AKAP6: variants seen among roughly 807,000 people sequenced by gnomAD.
AKAP6 encodes A-kinase anchor protein 6.
A neutral mutation model predicts 188.5 loss-of-function variants in AKAP6; 58 were observed. The observed-to-expected ratio is 0.31, with a 90% CI of 0.25 to 0.38. The LOEUF (loss-of-function observed/expected upper bound fraction) is 0.38. Among genes scored for constraint, AKAP6 ranks in the 10% least tolerant of loss-of-function variants. The probability of loss-of-function intolerance (pLI) is 1.00; values close to 1 mark genes in which losing one functional copy is unlikely to be tolerated. For synonymous variants in AKAP6, 989 were observed against 998.6 expected, an observed-to-expected ratio of 0.99 and a Z score of 0.18; for missense variants, 2,710 against 2,740.0, an observed-to-expected ratio of 0.99 and a Z score of 0.24.
chr14:32,711,073 C>T (rs913818987), intron 9 of AKAP6, among the ~76,000 whole-genome samples: 2 of 152,010 alleles, frequency 1.3e-5, no homozygotes, highest in African/African-American at 4.8e-5. Flanking sequence ...ACTATTATGG[C>T]AACGCTTTAG....
chr14:32,594,018 A>G (rs1885588634), intron 5 of AKAP6, among the ~76,000 whole-genome samples: 1 of 152,210 alleles, frequency 6.6e-6, no homozygotes, highest in African/African-American at 2.4e-5. Flanking sequence ...TATTTGGAAA[A>G]TAGAGAAAAT....
chr14:32,613,171 G>A (rs1886423887), intron 7 of AKAP6, among the ~76,000 whole-genome samples: 1 of 152,150 alleles, frequency 6.6e-6, no homozygotes, highest in African/African-American at 2.4e-5. Flanking sequence ...CAGTCTCTCT[G>A]TTTTATACTA....
intron 11 of AKAP6, among the ~76,000 whole-genome samples, chr14:32,753,034 A>G (rs2032199305): frequency 1.3e-5 from 2 of 152,164 alleles, no homozygotes; most frequent in Non-Finnish European, 2.9e-5. Flanking sequence ...TCTTTTTGAC[A>G]TACTGATTTT....
intron 7 of AKAP6, among the ~76,000 whole-genome samples, chr14:32,627,309 A>G (rs981102487): frequency 1.3e-5 from 2 of 152,138 alleles, no homozygotes; most frequent in Non-Finnish European, 2.9e-5. Flanking sequence ...GGTATCTCAT[A>G]TATCAGGATT....
At chr14:32,427,315 AAGG>A (rs1233454091) in intron 1 of AKAP6, among the ~76,000 whole-genome samples, 1 of 152,270 alleles carries the variant, frequency 6.6e-6, no homozygotes, top group Non-Finnish European at 1.5e-5. Context: ...AAAGAGAGCA[AAGG>A]AGGAGAAGGC....
intron 5 of AKAP6, among the ~76,000 whole-genome samples, chr14:32,595,109 G>A (rs1885640724): frequency 6.6e-6 from 1 of 152,122 alleles, no homozygotes; most frequent in African/African-American, 2.4e-5. Flanking sequence ...CATCTGGCCT[G>A]TATTACCACA....
At chr14:32,596,764 T>C (rs781205939) in intron 5 of AKAP6, among the ~76,000 whole-genome samples, 1 of 152,170 alleles carries the variant, frequency 6.6e-6, no homozygotes, top group Non-Finnish European at 1.5e-5. Context: ...TGTTCAAGTA[T>C]CAAGTTTAAG....
intron 12 of AKAP6, among the ~76,000 whole-genome samples, chr14:32,794,340 C>A (rs374920092): frequency 6.6e-6 from 1 of 152,228 alleles, no homozygotes; most frequent in Non-Finnish European, 1.5e-5. Flanking sequence ...GTGGAAGGAT[C>A]ACTTGAGGCC....
intron 1 of AKAP6, among the ~76,000 whole-genome samples, chr14:32,419,266 A>G (rs1889758992): frequency 6.6e-6 from 1 of 152,192 alleles, no homozygotes; most frequent in East Asian, 1.9e-4. Context: ...AGCCCTTGCT[A>G]TCTCTTGTTA....
chr14:32,359,898 T>G (rs1447974147), intron 1 of AKAP6, among the ~76,000 whole-genome samples: 2 of 152,190 alleles, frequency 1.3e-5, no homozygotes, highest in East Asian at 3.8e-4. Flanking sequence ...TTAACCTTGA[T>G]CACACAGTTA....
At chr14:32,497,732 G>T (rs1015922562) in intron 2 of AKAP6, among the ~76,000 whole-genome samples, 1 of 151,684 alleles carries the variant, frequency 6.6e-6, no homozygotes, top group Non-Finnish European at 1.5e-5. Context: ...TGAAAGAGGG[G>T]CATTAAAATC....
At chr14:32,338,629 T>G (rs917121715) in intron 1 of AKAP6, among the ~76,000 whole-genome samples, 1 of 152,120 alleles carries the variant, frequency 6.6e-6, no homozygotes, top group African/African-American at 2.4e-5. Context: ...ACCTAAACAC[T>G]GAACAAAAAC....
intron 12 of AKAP6, among the ~76,000 whole-genome samples, chr14:32,791,824 C>T (rs2033618690): frequency 6.6e-6 from 1 of 152,140 alleles, no homozygotes; most frequent in Non-Finnish European, 1.5e-5. Context: ...GGTCCAGTTT[C>T]AGTTTTCTGC....
intron 8 of AKAP6, among the ~76,000 whole-genome samples, chr14:32,680,374 C>A (rs1349239726): frequency 6.6e-6 from 1 of 152,204 alleles, no homozygotes; most frequent in Non-Finnish European, 1.5e-5. Context: ...TTAAAACTGT[C>A]TGTTCCCACA....
chr14:32,398,762 CCTTTT>C (rs1888962616), intron 1 of AKAP6, among the ~76,000 whole-genome samples: 1 of 147,370 alleles, frequency 6.8e-6, no homozygotes, highest in Non-Finnish European at 1.5e-5. Context: ...ATATGTTTGC[CCTTTT>C]CTTTCTTTTC....
chr14:32,743,807 A>T (rs2031778501), intron 11 of AKAP6, among the ~76,000 whole-genome samples: 1 of 152,198 alleles, frequency 6.6e-6, no homozygotes, highest in African/African-American at 2.4e-5. Flanking sequence ...GGATATGAGT[A>T]GTTTACATAC....
At chr14:32,601,663 T>G (rs922197838) in intron 7 of AKAP6, among the ~76,000 whole-genome samples, 1 of 152,244 alleles carries the variant, frequency 6.6e-6, no homozygotes, top group African/African-American at 2.4e-5. Context: ...GAAACATATT[T>G]AAGAGTTCAT....
At chr14:32,344,930 AAAAAAAAG>A (rs1218363105) in intron 1 of AKAP6, among the ~76,000 whole-genome samples, 1 of 151,636 alleles carries the variant, frequency 6.6e-6, no homozygotes, top group African/African-American at 2.4e-5. Context: ...AAAAAAAAAA[AAAAAAAAG>A]AGAGAGAGTA....
At chr14:32,596,617 A>G (rs77687078) in intron 5 of AKAP6, among the ~76,000 whole-genome samples, 3,016 of 152,274 alleles carry the variant, frequency 0.02, 105 homozygotes, top group African/African-American at 0.069. Flanking sequence ...AATCAGTGCC[A>G]TAGGACCATG....
Sources: allele counts gnomAD v4.1 joint callset (sites outside exome capture counted in the v4.1 genomes callset), GRCh38; gene constraint gnomAD v4.1.1; transcripts MANE v1.5; gene names NCBI Gene and HGNC (gene_info 2026-07-23, HGNC 2026-07-21).